The following PTPRG variants were observed in gnomAD, a reference collection of about 807,000 sequenced individuals.
PTPRG encodes the protein receptor-type tyrosine-protein phosphatase gamma.
Under a neutral mutation model 165.3 loss-of-function variants are expected in PTPRG, and 102 were observed. That is an observed-to-expected ratio of 0.62 (90% CI 0.53 to 0.73). The LOEUF (loss-of-function observed/expected upper bound fraction) is 0.73, where lower values mean the gene tolerates loss of function less well. PTPRG is among the 30% of genes least tolerant of loss of function. The pLI, the probability that PTPRG is intolerant of heterozygous loss-of-function variation, is 0.00. For synonymous variants in PTPRG, 675 were observed against 669.5 expected (o/e 1.01, Z -0.13); for missense variants, 1,866 against 1,861.4 (o/e 1.00, Z -0.05).
At chr3:61,846,327 A>G (rs2036804975) in intron 2 of PTPRG, among the ~76,000 whole-genome samples, 2 of 152,164 alleles carry the variant, frequency 1.3e-5, no homozygotes, top group Admixed American at 1.3e-4. Flanking sequence ...AGAAGCAGCT[A>G]GGAATGTAGT....
At chr3:61,867,056 A>G (rs964199981) in intron 2 of PTPRG, among the ~76,000 whole-genome samples, 2 of 152,108 alleles carry the variant, frequency 1.3e-5, no homozygotes, top group Admixed American at 6.5e-5. Flanking sequence ...GCTCTTCATC[A>G]GATTGCCCGG....
intron 2 of PTPRG, among the ~76,000 whole-genome samples, chr3:61,752,491 T>G (rs550137572): frequency 6.6e-6 from 1 of 152,172 alleles, no homozygotes; most frequent in East Asian, 1.9e-4. Context: ...GTATCTGGCC[T>G]CTTATAGAAA....
At chr3:62,194,028 CTAA>C (rs201965028) in intron 9 of PTPRG, among the ~76,000 whole-genome samples, 2,064 of 152,246 alleles carry the variant, frequency 0.014, 13 homozygotes, top group Middle Eastern at 0.034. Flanking sequence ...CTGGATTTGG[CTAA>C]TGTTTGACAA....
intron 1 of PTPRG, among the ~76,000 whole-genome samples, chr3:61,596,292 G>C (rs9872680): frequency 0.14 from 20,844 of 152,140 alleles, 1,911 homozygotes; most frequent in African/African-American, 0.25. Flanking sequence ...TAAATTAAGT[G>C]GAATTGTACC....
intron 4 of PTPRG, among the ~76,000 whole-genome samples, chr3:62,050,649 ATC>A (rs1700442934): frequency 6.6e-6 from 1 of 152,244 alleles, no homozygotes; most frequent in Non-Finnish European, 1.5e-5. Context: ...GTTGTAAACT[ATC>A]TAATCTATCC....
In PTPRG at chr3:62,022,074, C is replaced by A. The variant is rs2041708210; in HGVS notation, c.519+18577C>A. 2.6e-5 allele frequency among the ~76,000 whole-genome samples: 4 copies of A among 152,060 alleles called. No individual in the cohort carries two copies. The South Asian group carries it at 6.2e-4, about 24-fold the overall frequency. ...TTTTATTCATAACCTCATTACTGGTCTCATGAATTTCTAGAGGTCTGAAAA... is the reference window on the plus strand; with the variant it reads ...TTTTATTCATAACCTCATTACTGGTATCATGAATTTCTAGAGGTCTGAAAA... On this transcript the variant is annotated intron_variant, in intron 4 of 29. Coordinates refer to ENST00000474889, the MANE Select transcript of PTPRG (RefSeq NM_002841.4).
chr3:62,209,567 A>G (rs1438380038), intron 12 of PTPRG, among the ~76,000 whole-genome samples: 1 of 152,214 alleles, frequency 6.6e-6, no homozygotes, highest in African/African-American at 2.4e-5. Context: ...TGTAAGGACT[A>G]TCAGAAGTAC....
At chr3:62,148,694 G>A (rs907404160) in intron 6 of PTPRG, among the ~76,000 whole-genome samples, 9 of 152,162 alleles carry the variant, frequency 5.9e-5, no homozygotes, top group Admixed American at 3.9e-4. Flanking sequence ...CTCAGAAGGT[G>A]GAGGTGGCAG....
At chr3:61,755,161 C>T (rs908484493) in intron 2 of PTPRG, among the ~76,000 whole-genome samples, 2 of 152,160 alleles carry the variant, frequency 1.3e-5, no homozygotes, top group East Asian at 3.9e-4. Context: ...GCATGTGCCA[C>T]CACGCCCGAC....
intron 1 of PTPRG, 32 bp from the exon 2 acceptor site, chr3:61,748,846 T>G: frequency 6.3e-7 from 1 of 1,579,220 alleles, no homozygotes; most frequent in Non-Finnish European, 8.7e-7. Flanking sequence ...GGGTGCTGCC[T>G]TTGTCTCATT....
At chr3:62,114,127 C>T (rs887512295) in intron 5 of PTPRG, among the ~76,000 whole-genome samples, 2 of 152,104 alleles carry the variant, frequency 1.3e-5, no homozygotes, top group African/African-American at 4.8e-5. Context: ...GGTGAAACCC[C>T]ATCTCTACTA....
At chr3:61,619,940 A>C (rs1269314004) in intron 1 of PTPRG, among the ~76,000 whole-genome samples, 1 of 152,214 alleles carries the variant, frequency 6.6e-6, no homozygotes, top group Non-Finnish European at 1.5e-5. Flanking sequence ...TGATGAAAGC[A>C]TCTTAATAAA....
At chr3:61,754,249 G>T (rs935021214) in intron 2 of PTPRG, among the ~76,000 whole-genome samples, 1 of 152,192 alleles carries the variant, frequency 6.6e-6, no homozygotes. Context: ...CAACTGTCCT[G>T]GGATTTGAGG....
chr3:62,162,541 G>A (rs1704807552), intron 7 of PTPRG, among the ~76,000 whole-genome samples: 2 of 152,204 alleles, frequency 1.3e-5, no homozygotes, highest in Admixed American at 1.3e-4. Context: ...TTTGGGAGGT[G>A]GACGGGATTT....
intron 1 of PTPRG, among the ~76,000 whole-genome samples, chr3:61,668,944 T>G (rs1014459780): frequency 6.6e-6 from 1 of 152,244 alleles, no homozygotes; most frequent in African/African-American, 2.4e-5. Context: ...GAATACTTAG[T>G]ATTTGCTAAA....
chr3:61,903,032 A>G (rs1422698957), intron 2 of PTPRG, among the ~76,000 whole-genome samples: 3 of 152,084 alleles, frequency 2.0e-5, no homozygotes, highest in Non-Finnish European at 2.9e-5. Flanking sequence ...AGACCTGCCA[A>G]ACTCCTTCCA....
chr3:62,177,197 G>A (rs1184773436), intron 8 of PTPRG, among the ~76,000 whole-genome samples: 1 of 152,154 alleles, frequency 6.6e-6, no homozygotes, highest in Non-Finnish European at 1.5e-5. Context: ...AAGGCAGAAA[G>A]ATCACTTGAG....
At chr3:61,844,304 C>T (rs2036742218) in intron 2 of PTPRG, among the ~76,000 whole-genome samples, 1 of 152,128 alleles carries the variant, frequency 6.6e-6, no homozygotes, top group African/African-American at 2.4e-5. Context: ...CAAGTTGACA[C>T]TACTGATGAA....
intron 5 of PTPRG, among the ~76,000 whole-genome samples, chr3:62,089,892 A>G (rs1180104159): frequency 6.6e-6 from 1 of 152,206 alleles, no homozygotes; most frequent in Non-Finnish European, 1.5e-5. Context: ...TTACTTATGC[A>G]TTTTTAAGAA....
Sources: allele counts gnomAD v4.1 joint callset (sites outside exome capture counted in the v4.1 genomes callset), GRCh38; gene constraint gnomAD v4.1.1; transcripts MANE v1.5; gene names NCBI Gene and HGNC (gene_info 2026-07-23, HGNC 2026-07-21).